The following RBM33 variants were observed in gnomAD, a reference collection of about 807,000 sequenced individuals.
RBM33 encodes the protein RNA binding motif protein 33.
Under a neutral mutation model 132.6 loss-of-function variants are expected in RBM33, and 28 were observed. The ratio of observed to expected loss-of-function variants is 0.21; its 90% CI spans 0.16 to 0.29. The LOEUF is 0.29. Ranked by LOEUF, RBM33 falls within the 10% of genes least tolerant of loss-of-function variation. RBM33 has a pLI of 1.00. For synonymous variants in RBM33, 634 were observed against 593.0 expected, an observed-to-expected ratio of 1.07 and a Z score of -1.01; for missense variants, 1,291 against 1,518.5, an observed-to-expected ratio of 0.85 and a Z score of 2.49.
chr7:155,765,086 C>T (rs1428201602), intron 15 of RBM33, among the ~76,000 whole-genome samples: 9 of 152,224 alleles, frequency 5.9e-5, no homozygotes, highest in African/African-American at 9.6e-5. Context: ...CCCTCCATAA[C>T]GCGCACACGC....
chr7:155,711,037 G>C, intron 7 of RBM33, 166 bp from the exon 8 acceptor site: 1 of 986,154 alleles, frequency 1.0e-6, no homozygotes. Flanking sequence ...TTATCCTGCT[G>C]TTTTGATACA....
At chr7:155,667,385 T>C (rs948887164) in intron 2 of RBM33, among the ~76,000 whole-genome samples, 5 of 152,122 alleles carry the variant, frequency 3.3e-5, no homozygotes, top group Non-Finnish European at 4.4e-5. Flanking sequence ...AGTGCTGGGA[T>C]TGGCGTGAGC....
At chr7:155,709,352 T>C (rs1800210166) in intron 7 of RBM33, among the ~76,000 whole-genome samples, 1 of 152,242 alleles carries the variant, frequency 6.6e-6, no homozygotes, top group Non-Finnish European at 1.5e-5. Context: ...AAAATCTCTT[T>C]GAACAGTTTT....
intron 3 of RBM33, 48 bp downstream of exon 3, chr7:155,672,963 T>A: frequency 7.8e-7 from 1 of 1,278,902 alleles, no homozygotes; most frequent in East Asian, 2.6e-5. Flanking sequence ...CATTTAATTA[T>A]ACTTAACATA....
chr7:155,745,129 G>A lies in RBM33; in HGVS notation c.2506G>A (p.Ala836Thr), dbSNP rs371318332. ...CGCGCAGCAACAGCAGCAGCTGTAC[G>A]CTCCCCCACCCCCAGCAGAGCAGGA... ...RLAQQQQQLY[A>T]PPPPAEQEEQ... is the part of the protein sequence containing the mutation. The change falls in exon 14 of 18, where the codon GCT (alanine) becomes ACT (threonine). Residue 836 changes from alanine (A) to threonine (T), a missense_variant. Ala to Thr is a moderately conservative substitution (Grantham distance 58, BLOSUM62 0). Coordinates refer to ENST00000401878, the MANE Select transcript of RBM33 (RefSeq NM_053043.3). The surrounding 1 kb of genome is among the most constrained non-coding windows in gnomAD (Gnocchi z 4.1). The A allele has an allele frequency of 8.1e-6, 13 of 1,600,872 alleles. No individual in the cohort carries two copies. Among genetic ancestry groups the A allele is most frequent in the African/African-American group, 1.3e-5 (1 of 74,632 alleles).
At position 155,706,943 on chromosome 7, in the gene RBM33, C is replaced by A; in HGVS notation, c.823C>A (p.Arg275=). The A allele has an allele frequency of 3.1e-6, 5 of 1,604,842 alleles. No individual in the cohort carries two copies. Among genetic ancestry groups the A allele is most frequent in the East Asian group, 2.2e-5 (1 of 44,630 alleles). The part of the protein sequence containing the change: ...QHKQGRYSSR[R]GGRRGGPLMC... ...TAAACAAGGACGCTACAGCTCCAGG[C>A]GGGGAGGACGGCGAGGAGGTCCGCT... The change falls in exon 7 of 18, where the codon CGG becomes AGG. Residue 275 remains arginine, a synonymous_variant. Coordinates refer to ENST00000401878, the MANE Select transcript of RBM33 (RefSeq NM_053043.3).
chr7:155,649,074 C>T (rs1490466203), intron 1 of RBM33, among the ~76,000 whole-genome samples: 1 of 151,956 alleles, frequency 6.6e-6, no homozygotes, highest in Non-Finnish European at 1.5e-5. Flanking sequence ...TTATTTTTTT[C>T]TCCAGTTCTT....
At position 155,770,680 on chromosome 7, in the gene RBM33, G is replaced by T. The variant is rs140019247; in HGVS notation, c.3376-3879G>T. 5.3e-3 allele frequency among the ~76,000 whole-genome samples: 802 copies of T among 150,840 alleles called. 9 individuals are homozygous for T. Among genetic ancestry groups the T allele is most frequent in the African/African-American group, 0.019 (762 of 40,944 alleles). On this transcript the variant is annotated intron_variant, in intron 16 of 17. Transcript: ENST00000401878. ...GGGAGAAAAAGAGCTTGGTGTTTAG[G>T]ATTGCAGAATCAGTTGTAATCCTGT... is the stretch of plus-strand genomic sequence containing the variant.
intron 5 of RBM33, among the ~76,000 whole-genome samples, chr7:155,687,863 G>A (rs1392166543): frequency 1.3e-5 from 2 of 152,178 alleles, no homozygotes; most frequent in Non-Finnish European, 2.9e-5. Flanking sequence ...GTACCATGCT[G>A]TTTTGGTTAC....
At chr7:155,738,480 T>C (rs1303788106) in intron 11 of RBM33, 77 bp downstream of exon 11, 77 of 1,341,412 alleles carry the variant, frequency 5.7e-5, no homozygotes, top group Non-Finnish European at 7.7e-5. Context: ...TTTCAGATTT[T>C]TATTTGAGCC....
intron 6 of RBM33, among the ~76,000 whole-genome samples, chr7:155,702,529 C>T (rs552829286): frequency 1.2e-4 from 19 of 152,168 alleles, no homozygotes; most frequent in African/African-American, 3.9e-4. Flanking sequence ...AAAGATGGAG[C>T]GAAGGTCTTA....
intron 14 of RBM33, among the ~76,000 whole-genome samples, chr7:155,763,546 T>C (rs929153859): frequency 6.6e-6 from 1 of 152,266 alleles, no homozygotes; most frequent in African/African-American, 2.4e-5. Flanking sequence ...CGACAACATT[T>C]ATTTTAATCG....
At chr7:155,685,339 T>C (rs11762726) in intron 5 of RBM33, among the ~76,000 whole-genome samples, 102,066 of 152,058 alleles carry the variant, frequency 0.67, 34,726 homozygotes, top group South Asian at 0.77. Flanking sequence ...GAAAGCAGTG[T>C]GGTAATTCTT....
chr7:155,717,879 A>C (rs986329416), intron 8 of RBM33, among the ~76,000 whole-genome samples: 1 of 152,124 alleles, frequency 6.6e-6, no homozygotes, highest in Non-Finnish European at 1.5e-5. Flanking sequence ...TTTAGTGGAA[A>C]ATTTTTAACA....
At chr7:155,675,289 G>C (rs1314545859) in intron 3 of RBM33, among the ~76,000 whole-genome samples, 1 of 96,374 alleles carries the variant, frequency 1.0e-5, no homozygotes, top group Non-Finnish European at 1.9e-5. Flanking sequence ...GTGAGACTCC[G>C]TCTCAAAAAA....
chr7:155,661,885 C>T (rs766745565), intron 1 of RBM33, among the ~76,000 whole-genome samples: 2 of 152,032 alleles, frequency 1.3e-5, no homozygotes, highest in Non-Finnish European at 2.9e-5. Flanking sequence ...TTTTTGTTGT[C>T]GTTGGATTAT....
At chr7:155,693,240 C>A (rs1293787418) in intron 5 of RBM33, among the ~76,000 whole-genome samples, 1 of 151,906 alleles carries the variant, frequency 6.6e-6, no homozygotes, top group Admixed American at 6.6e-5. Flanking sequence ...TATGAAAAGA[C>A]AGGGAAACAT....
At chr7:155,645,267 A>G (rs910303352) in intron 1 of RBM33, 1 of 244,142 alleles carries the variant, frequency 4.1e-6, no homozygotes, top group Admixed American at 5.7e-5. Context: ...CCCCCGAGAC[A>G]GTGTCACTTA....
chr7:155,677,698 T>C (rs1799223500), intron 3 of RBM33, among the ~76,000 whole-genome samples: 1 of 152,228 alleles, frequency 6.6e-6, no homozygotes, highest in Admixed American at 6.5e-5. Context: ...TCAGAAATAC[T>C]GTAATAAAGT....
Sources: allele counts gnomAD v4.1 joint callset (sites outside exome capture counted in the v4.1 genomes callset), GRCh38; gene constraint gnomAD v4.1.1; non-coding constraint Gnocchi (gnomAD v3.1); transcripts MANE v1.5; gene names NCBI Gene and HGNC (gene_info 2026-07-23, HGNC 2026-07-21).